The following HUWE1 variants were observed in gnomAD, a reference collection of about 807,000 sequenced individuals.
HUWE1 encodes the protein E3 ubiquitin-protein ligase HUWE1.
HUWE1 carries 18 observed loss-of-function variants against 299.4 expected under a neutral mutation model. That is an observed-to-expected ratio of 0.06 (90% CI 0.04 to 0.09). The LOEUF (loss-of-function observed/expected upper bound fraction) is 0.09, where lower values mean the gene tolerates loss of function less well. Ranked by LOEUF, HUWE1 falls within the 10% of genes least tolerant of loss-of-function variation. HUWE1 has a pLI of 1.00. For synonymous variants in HUWE1, 1,317 were observed against 1,286.1 expected (o/e 1.02, Z -0.51); for missense variants, 1,832 against 3,462.3 (o/e 0.53, Z 11.82).
chrX:53,600,318 G>A lies in HUWE1; in HGVS notation c.2972-9C>T. On this transcript the variant is annotated splice_polypyrimidine_tract_variant and intron_variant, in intron 28 of 83. Transcript: ENST00000262854. ...TCCATCCTGTTCCCCATCTACAGAT[G>A]TATAAGAGGGGAGCAATAGGACAAT... is the stretch of plus-strand genomic sequence containing the variant. 1 of 1,169,894 alleles carries A rather than the reference G, an allele frequency of 8.5e-7. No homozygotes were observed. Among genetic ancestry groups the A allele is most frequent in the East Asian group, 3.0e-5 (1 of 33,185 alleles).
Position 53,539,039 on chromosome X carries a change from T to A in HUWE1, c.11674A>T (p.Thr3892Ser), listed in dbSNP as rs1556915997. 2 of 1,209,075 alleles carry A rather than the reference T, an allele frequency of 1.7e-6. No individual in the cohort carries two copies. Among genetic ancestry groups the A allele is most frequent in the Non-Finnish European group, 1.1e-6 (1 of 893,948 alleles). The change falls in exon 76 of 84, where the codon ACA (threonine) becomes TCA (serine). Residue 3892 changes from threonine (T) to serine (S), a missense_variant. Physicochemically the swap from Thr to Ser is moderately conservative, Grantham distance 58. Transcript: ENST00000262854. ...ACAGGAGGCTTGCTCTCCCGCTCTG[T>A]GGCATGGACCAGAAAGAAGGCCTCG... ...AVEAFFLVHATERESKPPVRD... is the reference protein window; with the variant it reads ...AVEAFFLVHASERESKPPVRD...
At chrX:53,553,303 C>T (rs1484237123) in intron 61 of HUWE1, among the ~76,000 whole-genome samples, 1 of 108,981 alleles carries the variant, frequency 9.2e-6, no homozygotes, top group Non-Finnish European at 1.9e-5. Context: ...CTACCACGCC[C>T]GGCCAGTTTT....
At chrX:53,627,026 T>C (rs1361220244) in intron 17 of HUWE1, among the ~76,000 whole-genome samples, 1 of 111,239 alleles carries the variant, frequency 9.0e-6, no homozygotes, top group Non-Finnish European at 1.9e-5. Flanking sequence ...CTACCAAGCA[T>C]ATTTCTAACA....
chrX:53,649,288 C>T (rs1380265392), intron 4 of HUWE1, among the ~76,000 whole-genome samples: 2 of 111,971 alleles, frequency 1.8e-5, no homozygotes, highest in Admixed American at 9.5e-5. Context: ...TCTCCCATTA[C>T]AGGAGCTTAA....
rs782157393 is a variant in HUWE1, at chrX:53,583,555, C to A, written c.5520+3G>T. 9.5e-6 allele frequency: 11 copies of A among 1,155,681 alleles called. No individual in the cohort carries two copies. The South Asian group carries it at 2.0e-4, about 21-fold the overall frequency. ...ACCAGAATCTGATACAAAACACACTCACCTTTTCCATGGTATGACGAAGGG... is the reference window on the plus strand; with the variant it reads ...ACCAGAATCTGATACAAAACACACTAACCTTTTCCATGGTATGACGAAGGG... On this transcript the variant is annotated splice_donor_region_variant and intron_variant, in intron 42 of 83. Transcript: ENST00000262854.
chrX:53,673,049 A>G (rs1278217024), intron 3 of HUWE1, among the ~76,000 whole-genome samples: 2 of 112,383 alleles, frequency 1.8e-5, no homozygotes, highest in Non-Finnish European at 3.8e-5. Flanking sequence ...GCAAACGAAA[A>G]AAAGTTCTAT....
intron 46 of HUWE1, among the ~76,000 whole-genome samples, chrX:53,574,618 T>A (rs2063009346): frequency 8.9e-6 from 1 of 112,552 alleles, no homozygotes; most frequent in Non-Finnish European, 1.9e-5. Context: ...TTCACTAATG[T>A]TAGCCTTTTA....
Position 53,630,789 on chromosome X carries a change from A to AGTG in HUWE1, c.862+143_862+145dup, listed in dbSNP as rs1381435609. The AGTG allele has an allele frequency of 6.4e-6, 3 of 472,353 alleles. No individual in the cohort carries two copies. The African/African-American group carries it at 7.2e-5, about 11-fold the overall frequency. 38.9% of individuals were successfully genotyped at this position (472,353 alleles called of 1,213,427 possible). ...GAGCTCAAGGATAATGAATAAATAC[A>AGTG]GTGAACACTGGGAGGGGTGGAAGTA... On this transcript the variant is annotated intron_variant, in intron 12 of 83. Transcript: ENST00000262854.
chrX:53,679,774 A>G (rs1296338553), intron 3 of HUWE1, among the ~76,000 whole-genome samples: 1 of 112,527 alleles, frequency 8.9e-6, no homozygotes, highest in Non-Finnish European at 1.9e-5. Flanking sequence ...AACTTTAATA[A>G]GAACTGGTTA....
At chrX:53,643,738 CTTTTACTAGTTATAATAA>C (rs1557033105) in intron 7 of HUWE1, among the ~76,000 whole-genome samples, 1 of 112,308 alleles carries the variant, frequency 8.9e-6, no homozygotes, top group East Asian at 2.8e-4. Context: ...CCTCACTGTG[CTTTTACTAGTTATAATAA>C]TTTTACATTA....
intron 3 of HUWE1, among the ~76,000 whole-genome samples, chrX:53,668,900 T>TA (rs2069385163): frequency 8.9e-6 from 1 of 112,171 alleles, no homozygotes; most frequent in African/African-American, 3.2e-5. Flanking sequence ...ACCAACAACT[T>TA]AAACTCTACT....
At position 53,549,042 on chromosome X, in the gene HUWE1, C is replaced by T. The variant is rs144721096; in HGVS notation, c.9952G>A (p.Gly3318Ser). Residue 3318 changes from glycine (G) to serine (S), a missense_variant, in exon 67 of 84, where the codon GGT becomes AGT. Transcript: ENST00000262854. Reference sequence around the variant, plus strand: ...GGATGGATGTGGACGGTGGAGCCACCGCTTGCATGCTTCTCGGTATGTTTA... The same window carrying T: ...GGATGGATGTGGACGGTGGAGCCACTGCTTGCATGCTTCTCGGTATGTTTA... ...GRKHTEKHAS[G>S]GSTVHIHPQA... 24 of 1,210,182 alleles carry T rather than the reference C, an allele frequency of 2.0e-5. No homozygotes were observed. Among genetic ancestry groups the T allele is most frequent in the Middle Eastern group, 4.6e-4 (2 of 4,351 alleles).
intron 31 of HUWE1, 97 bp downstream of exon 31, chrX:53,594,401 GT>G: frequency 1.1e-6 from 1 of 920,905 alleles, no homozygotes; most frequent in Non-Finnish European, 1.6e-6. Flanking sequence ...ATATCCCACT[GT>G]TACAAGATAG....
intron 7 of HUWE1, among the ~76,000 whole-genome samples, chrX:53,643,573 A>G (rs2067762247): frequency 9.0e-6 from 1 of 111,349 alleles, no homozygotes; most frequent in South Asian, 3.8e-4. Flanking sequence ...GCTGGTCTCA[A>G]ACTCCTGACC....
At chrX:53,582,490 T>TA (rs1158633039) in intron 42 of HUWE1, among the ~76,000 whole-genome samples, 1 of 112,460 alleles carries the variant, frequency 8.9e-6, no homozygotes, top group Non-Finnish European at 1.9e-5. Context: ...GCAAGCAAGT[T>TA]AAAAAATACT....
intron 19 of HUWE1, among the ~76,000 whole-genome samples, chrX:53,623,380 A>AC (rs1199993248): frequency 2.7e-5 from 3 of 111,489 alleles, no homozygotes; most frequent in Admixed American, 9.5e-5. Context: ...AAACAAAAAA[A>AC]CCCCAAAGAA....
intron 47 of HUWE1, among the ~76,000 whole-genome samples, chrX:53,573,417 C>T (rs996733446): frequency 8.9e-6 from 1 of 111,817 alleles, no homozygotes; most frequent in Non-Finnish European, 1.9e-5. Context: ...GATTCCCTTG[C>T]CTCAGCCTCC....
At chrX:53,629,412 T>C in intron 13 of HUWE1, 104 bp downstream of exon 13, 1 of 562,844 alleles carries the variant, frequency 1.8e-6, no homozygotes, top group Non-Finnish European at 3.2e-6. Flanking sequence ...TGTCTCATTA[T>C]GTATATGCAA....
intron 54 of HUWE1, 66 bp from the exon 55 acceptor site, chrX:53,561,990 C>T: frequency 1.7e-6 from 2 of 1,211,076 alleles, no homozygotes; most frequent in Non-Finnish European, 2.2e-6. Context: ...GGTGCCATGG[C>T]CACATGTGCA....
Sources: gnomAD v4.1 joint callset for allele counts (sites outside exome capture counted in the v4.1 genomes callset) on GRCh38, gnomAD v4.1.1 for gene constraint, MANE v1.5 for transcripts, NCBI Gene and HGNC (gene_info 2026-07-23, HGNC 2026-07-21) for gene names.